Variants in SFRP2 observed in about 807,000 individuals in gnomAD.
The protein encoded by SFRP2 is secreted frizzled-related protein 2.
A neutral mutation model predicts 26.0 loss-of-function variants in SFRP2; 16 were observed. The observed-to-expected ratio is 0.61, with a 90% CI of 0.42 to 0.93. The LOEUF (loss-of-function observed/expected upper bound fraction) is 0.93, where lower values mean the gene tolerates loss of function less well. Among genes scored for constraint, SFRP2 ranks in the 40% least tolerant of loss-of-function variants. SFRP2 has a pLI of 0.00. For synonymous variants in SFRP2, 173 were observed against 167.3 expected (o/e 1.03, Z -0.26); for missense variants, 343 against 392.4 (o/e 0.87, Z 1.06).
intron 1 of SFRP2, among the ~76,000 whole-genome samples, chr4:153,786,837 G>T (rs1181896722): frequency 6.7e-6 from 1 of 148,602 alleles, no homozygotes; most frequent in East Asian, 2.0e-4. Flanking sequence ...TCTTCTAAGA[G>T]TTTGATTTCT....
chr4:153,784,530 C>T (rs909921148), intron 2 of SFRP2, among the ~76,000 whole-genome samples: 5 of 152,194 alleles, frequency 3.3e-5, no homozygotes, highest in African/African-American at 1.2e-4. Flanking sequence ...TATGGTAGTT[C>T]TGGGACCAGT....
intron 1 of SFRP2, 115 bp from the exon 2 acceptor site, chr4:153,786,059 C>T (rs1453691036): frequency 1.9e-6 from 1 of 538,414 alleles, no homozygotes; most frequent in African/African-American, 2.0e-5. Flanking sequence ...TCCTATTTAA[C>T]CTCAGCTTCT....
Position 153,788,917 on chromosome 4 carries a change from CCGCTCTCTT to C in SFRP2, c.-91_-83del. 7.0e-7 allele frequency: 1 copy of C among 1,422,842 alleles called. No homozygotes were observed. The highest frequency in any genetic ancestry group is 9.2e-7 in the Non-Finnish European group (1 of 1,087,828). 88.1% of individuals were successfully genotyped at this position (1,422,842 alleles called of 1,614,324 possible). ...GCCGGAGTTCGAGCTTGTCCCGGGC[CCGCTCTCTT>C]CGCTGGGTGCGACTCGGGGCCCCGA... On this transcript the variant is annotated 5_prime_UTR_variant, in exon 1 of 3. Coordinates refer to ENST00000274063, the MANE Select transcript of SFRP2 (RefSeq NM_003013.3).
At chr4:153,781,939 T>C (rs1479304593) in intron 2 of SFRP2, among the ~76,000 whole-genome samples, 184 bp from the exon 3 acceptor site, 1 of 152,188 alleles carries the variant, frequency 6.6e-6, no homozygotes, top group African/African-American at 2.4e-5. Context: ...GCTCCACTGC[T>C]AAAGCCTCAA....
Position 153,781,741 on chromosome 4 carries a change from C to T in SFRP2, c.598G>A (p.Val200Met), listed in dbSNP as rs1218622791. 2 of 1,613,586 alleles carry T rather than the reference C, an allele frequency of 1.2e-6. No individual in the cohort carries two copies. The highest frequency in any genetic ancestry group is 1.7e-6 in the Non-Finnish European group (2 of 1,179,592). ...CGGTTGATGTAGGTTATCTCCTTCA[C>T]TTTTATTTTCAGTGCTATGAGGGAG... ...CKNDFALKIKVKEITYINRDT... is the reference protein window; with the variant it reads ...CKNDFALKIKMKEITYINRDT... Residue 200 changes from valine (V) to methionine (M), a missense_variant, in exon 3 of 3, where the codon GTG becomes ATG. Coordinates refer to ENST00000274063, the MANE Select transcript of SFRP2 (RefSeq NM_003013.3).
chr4:153,781,855 A>G, intron 2 of SFRP2, 100 bp from the exon 3 acceptor site: 1 of 1,068,078 alleles, frequency 9.4e-7, no homozygotes, highest in Non-Finnish European at 1.4e-6. Context: ...TGGATGAGGA[A>G]AGAGAGGCTT....
chr4:153,782,444 T>C (rs17030434), intron 2 of SFRP2, among the ~76,000 whole-genome samples: 26,222 of 152,196 alleles, frequency 0.17, 2,616 homozygotes, highest in East Asian at 0.38. Flanking sequence ...ATATATGTAC[T>C]GTTTCCAAAA....
In SFRP2 at chr4:153,781,545, C is replaced by T. The variant is rs1425847380; in HGVS notation, c.794G>A (p.Gly265Asp). 6.2e-7 allele frequency: 1 copy of T among 1,614,202 alleles called. No homozygotes were observed. Among genetic ancestry groups the T allele is most frequent in the Admixed American group, 1.7e-5 (1 of 60,032 alleles). The change falls in exon 3 of 3, where the codon GGT (glycine) becomes GAT (aspartate). Residue 265 changes from glycine (G) to aspartate (D), a missense_variant. Physicochemically the swap from Gly to Asp is moderately conservative, Grantham distance 94. Coordinates refer to ENST00000274063, the MANE Select transcript of SFRP2 (RefSeq NM_003013.3). The stretch of plus-strand genomic sequence containing the variant: ...CACCGAGGTGATCACCAGCTCCCCA[C>T]CCTGTTTCTGTCCCATGACCAGATA... ...APYLVMGQKQGGELVITSVKR... is the reference protein window; with the variant it reads ...APYLVMGQKQDGELVITSVKR...
In SFRP2 at chr4:153,780,913, A is replaced by G. The variant is rs1043538608; in HGVS notation, c.*538T>C. The G allele has an allele frequency of 2.0e-5, 3 of 153,328 alleles. No homozygotes were observed. Among genetic ancestry groups the G allele is most frequent in the Non-Finnish European group, 4.4e-5 (3 of 68,518 alleles). The allele number at this position is 153,328 out of a possible 1,614,324, so 9.5% of individuals were successfully genotyped here. A position where few individuals can be genotyped will look rare whatever the true frequency, so the allele number is the denominator to read the frequency against. ...ATGTAACAGTTTAAGTTCCCATTGA[A>G]GGTATAAAATGATGAATTGTTGTAA... On this transcript the variant is annotated 3_prime_UTR_variant, in exon 3 of 3. Coordinates refer to ENST00000274063, the MANE Select transcript of SFRP2 (RefSeq NM_003013.3).
chr4:153,789,018 C>A lies in SFRP2; in HGVS notation c.-183G>T. 1.6e-6 allele frequency: 1 copy of A among 617,156 alleles called. No individual in the cohort carries two copies. Among genetic ancestry groups the A allele is most frequent in the South Asian group, 2.6e-5 (1 of 38,514 alleles). 38.2% of individuals were successfully genotyped at this position (617,156 alleles called of 1,614,324 possible). On this transcript the variant is annotated 5_prime_UTR_variant, in exon 1 of 3. Transcript: ENST00000274063. ...CCGGGAGGACAGCGCGGGCGAGGCG[C>A]TGCAAGCCCGCGCGCAGCTCCGGGG... is the stretch of plus-strand genomic sequence containing the variant.
chr4:153,783,556 C>A (rs1192559952), intron 2 of SFRP2, among the ~76,000 whole-genome samples: 1 of 152,152 alleles, frequency 6.6e-6, no homozygotes, highest in East Asian at 1.9e-4. Context: ...ACTGAGGATG[C>A]AGGATGTGAT....
intron 2 of SFRP2, among the ~76,000 whole-genome samples, chr4:153,782,519 TTA>T (rs2127182299): frequency 6.6e-6 from 1 of 152,334 alleles, no homozygotes; most frequent in African/African-American, 2.4e-5. Flanking sequence ...AGGACACGTT[TTA>T]TAGTCATGAA....
At chr4:153,788,225 C>G in intron 1 of SFRP2, 109 bp downstream of exon 1, 2 of 1,352,380 alleles carry the variant, frequency 1.5e-6, no homozygotes, top group Non-Finnish European at 1.0e-6. Flanking sequence ...TCTGCCCTTC[C>G]CGCTACTGGC....
At chr4:153,787,602 C>T (rs965639113) in intron 1 of SFRP2, among the ~76,000 whole-genome samples, 1 of 152,198 alleles carries the variant, frequency 6.6e-6, no homozygotes, top group Non-Finnish European at 1.5e-5. Flanking sequence ...ACTTGGGAAT[C>T]TCTTTTGCAT....
In SFRP2 at chr4:153,789,073, G is replaced by A. The variant is rs1405699934; in HGVS notation, c.-238C>T. ...CCGACCCGGGGGAGCAGAATGAGCC[G>A]TTGCTGGGGCACAGCCAGAGTTTTC... is the stretch of plus-strand genomic sequence containing the variant. On this transcript the variant is annotated 5_prime_UTR_variant, in exon 1 of 3. In the 5' UTR this introduces an upstream ATG that the reference lacks. Coordinates refer to ENST00000274063, the MANE Select transcript of SFRP2 (RefSeq NM_003013.3). 1 of 493,230 alleles carries A rather than the reference G, an allele frequency of 2.0e-6. No homozygotes were observed. The highest frequency in any genetic ancestry group is 3.5e-6 in the Non-Finnish European group (1 of 285,308). The allele number at this position is 493,230 out of a possible 1,614,324, so 30.6% of individuals were successfully genotyped here.
Position 153,788,862 on chromosome 4 carries a change from G to A in SFRP2, c.-27C>T, listed in dbSNP as rs1207445977. 1.3e-6 allele frequency: 2 copies of A among 1,547,926 alleles called. No homozygotes were observed. Among genetic ancestry groups the A allele is most frequent in the South Asian group, 1.2e-5 (1 of 84,704 alleles). On this transcript the variant is annotated 5_prime_UTR_variant, in exon 1 of 3. Transcript: ENST00000274063. ...GTGGGCGCGCGACCCCGAGGGGGCA[G>A]AGGGAGCGGAGCCGGGGAAGGGCGA...
At position 153,781,122 on chromosome 4, in the gene SFRP2, C is replaced by A; in HGVS notation, c.*329G>T. The stretch of plus-strand genomic sequence containing the variant: ...CTCAAAACAACAAACAACAACCAAC[C>A]AGACCCAAGTCACAGTTGCACCTAT... On this transcript the variant is annotated 3_prime_UTR_variant, in exon 3 of 3. Coordinates refer to ENST00000274063, the MANE Select transcript of SFRP2 (RefSeq NM_003013.3). 2 of 247,626 alleles carry A rather than the reference C, an allele frequency of 8.1e-6. No individual in the cohort carries two copies. The highest frequency in any genetic ancestry group is 7.7e-6 in the Non-Finnish European group (1 of 129,266). The allele number at this position is 247,626 out of a possible 1,614,324, so 15.3% of individuals were successfully genotyped here. A position where few individuals can be genotyped will look rare whatever the true frequency, so the allele number is the denominator to read the frequency against.
In SFRP2 at chr4:153,788,692, C is replaced by G; in HGVS notation, c.144G>C (p.Gln48His). ...SNCKPIPANL[Q>H]LCHGIEYQNM... ...TCTGGTATTCGATGCCGTGGCACAG[C>G]TGCAGGTTGGCAGGGATGGGCTTGC... Residue 48 changes from glutamine to histidine, a missense_variant, in exon 1 of 3, where the codon CAG (glutamine) becomes CAC (histidine). Physicochemically the swap from Gln to His is conservative, Grantham distance 24. This residue lies in a region of SFRP2 where 251 missense variants were observed against 253.3 expected (regional missense o/e 0.99). Transcript: ENST00000274063. The G allele has an allele frequency of 6.2e-7, 1 of 1,614,116 alleles. No individual in the cohort carries two copies. The highest frequency in any genetic ancestry group is 8.5e-7 in the Non-Finnish European group (1 of 1,180,004).
At chr4:153,783,804 T>C (rs1315957432) in intron 2 of SFRP2, among the ~76,000 whole-genome samples, 1 of 152,242 alleles carries the variant, frequency 6.6e-6, no homozygotes, top group Non-Finnish European at 1.5e-5. Context: ...GATGGAATAG[T>C]GCTTATAAAC....
Sources: allele counts gnomAD v4.1 joint callset (sites outside exome capture counted in the v4.1 genomes callset), GRCh38; gene constraint gnomAD v4.1.1; regional missense constraint gnomAD v4.1.1; transcripts MANE v1.5; gene names NCBI Gene and HGNC (gene_info 2026-07-23, HGNC 2026-07-21).